Variants in MAP3K7CL observed in about 807,000 individuals in gnomAD.
MAP3K7CL encodes MAP3K7 C-terminal-like protein.
MAP3K7CL carries 16 observed loss-of-function variants against 18.6 expected under a neutral mutation model. That is an observed-to-expected ratio of 0.86 (90% CI 0.58 to 1.31). The LOEUF (loss-of-function observed/expected upper bound fraction) is 1.31. MAP3K7CL is among the 50% of genes most tolerant of loss of function. MAP3K7CL has a pLI of 0.00. For synonymous variants in MAP3K7CL, 65 were observed against 66.8 expected (o/e 0.97, Z 0.13); for missense variants, 163 against 174.4 (o/e 0.93, Z 0.37).
intron 2 of MAP3K7CL, among the ~76,000 whole-genome samples, chr21:29,141,802 G>C (rs995424384): frequency 5.3e-5 from 8 of 151,992 alleles, no homozygotes; most frequent in Non-Finnish European, 1.0e-4. Context: ...CACATCTCTA[G>C]TGTTTAATAA....
At chr21:29,135,344 G>A (rs2409331) in intron 2 of MAP3K7CL, among the ~76,000 whole-genome samples, 27,745 of 152,018 alleles carry the variant, frequency 0.18, 2,778 homozygotes, top group East Asian at 0.39. Context: ...AGACACACGC[G>A]TGCAAACCCA....
upstream of MAP3K7CL, among the ~76,000 whole-genome samples, chr21:29,127,407 T>C (rs1357435760): frequency 1.3e-5 from 2 of 152,242 alleles, no homozygotes; most frequent in African/African-American, 4.8e-5. Context: ...TCTATTAAAT[T>C]CTTAAAATAC....
intron 2 of MAP3K7CL, among the ~76,000 whole-genome samples, chr21:29,141,271 T>G (rs777843145): frequency 6.6e-6 from 1 of 152,104 alleles, no homozygotes; most frequent in Non-Finnish European, 1.5e-5. Flanking sequence ...ATCCCAGCGC[T>G]TTGGGAGGCA....
intron 1 of MAP3K7CL, among the ~76,000 whole-genome samples, chr21:29,132,495 G>A (rs2086797457): frequency 6.6e-6 from 1 of 151,840 alleles, no homozygotes; most frequent in Non-Finnish European, 1.5e-5. Context: ...ATTTTAAAGT[G>A]GTTTTTGGTA....
chr21:29,134,076 C>G (rs906602060), intron 2 of MAP3K7CL, among the ~76,000 whole-genome samples: 2 of 152,348 alleles, frequency 1.3e-5, no homozygotes, highest in Non-Finnish European at 1.5e-5. Context: ...AGGCTTGGCT[C>G]TCTTCCACTG....
At chr21:29,160,129 G>A in intron 4 of MAP3K7CL, 73 bp downstream of exon 4, 1 of 1,174,834 alleles carries the variant, frequency 8.5e-7, no homozygotes, top group South Asian at 1.3e-5. Flanking sequence ...ATGGGCAGGG[G>A]ACAGGCTGAG....
At chr21:29,152,417 C>G (rs142869360) in intron 3 of MAP3K7CL, among the ~76,000 whole-genome samples, 1 of 152,188 alleles carries the variant, frequency 6.6e-6, no homozygotes, top group South Asian at 2.1e-4. Context: ...TAGTCAGTCT[C>G]GTGTGCTTTC....
chr21:29,109,946 T>A (rs189173109), intron 4 of MAP3K7CL, among the ~76,000 whole-genome samples: 38 of 152,068 alleles, frequency 2.5e-4, no homozygotes, highest in African/African-American at 8.9e-4. Context: ...AGATTTCTCC[T>A]GCAAACCCAC....
At chr21:29,102,034 T>C (rs1329470454) in intron 4 of MAP3K7CL, among the ~76,000 whole-genome samples, 2 of 152,180 alleles carry the variant, frequency 1.3e-5, no homozygotes, top group Admixed American at 1.3e-4. Context: ...ACAGTCAGGA[T>C]CTAAAGAAAG....
chr21:29,171,125 T>G (rs1307292634), intron 4 of MAP3K7CL, among the ~76,000 whole-genome samples: 1 of 152,224 alleles, frequency 6.6e-6, no homozygotes, highest in East Asian at 1.9e-4. Context: ...ATTAGCTGTG[T>G]GACTTTTTCC....
At chr21:29,085,797 T>C (rs1601120118), upstream of MAP3K7CL, 1 of 1,533,190 alleles carries the variant, frequency 6.5e-7, no homozygotes, top group African/African-American at 1.4e-5. Flanking sequence ...GAATCATAAC[T>C]CTCTATATCC....
chr21:29,081,517 C>T (rs1407642627), upstream of MAP3K7CL, among the ~76,000 whole-genome samples: 6 of 152,106 alleles, frequency 3.9e-5, no homozygotes, highest in East Asian at 1.9e-4. Flanking sequence ...CGCGCCACTG[C>T]GCTCCAGCCC....
chr21:29,100,083 TAAAA>T (rs397727880), intron 4 of MAP3K7CL, among the ~76,000 whole-genome samples: 2 of 122,854 alleles, frequency 1.6e-5, no homozygotes, highest in Non-Finnish European at 1.7e-5. Flanking sequence ...ACTCCGTCTT[TAAAA>T]AAAAAAAAAA....
intron 4 of MAP3K7CL, among the ~76,000 whole-genome samples, chr21:29,112,390 G>A (rs532620659): frequency 8.5e-5 from 13 of 152,128 alleles, no homozygotes; most frequent in Non-Finnish European, 1.6e-4. Context: ...AATCCTTACA[G>A]CAGCAAATTT....
chr21:29,096,255 C>A (rs2086119858), intron 4 of MAP3K7CL, among the ~76,000 whole-genome samples: 1 of 152,146 alleles, frequency 6.6e-6, no homozygotes. Context: ...TCAAAATATA[C>A]CTTAGGTGCG....
At chr21:29,140,609 C>T (rs139368005) in intron 2 of MAP3K7CL, among the ~76,000 whole-genome samples, 1 of 152,294 alleles carries the variant, frequency 6.6e-6, no homozygotes, top group East Asian at 1.9e-4. Flanking sequence ...AAGCTCAAAG[C>T]TTCTTGACAA....
intron 4 of MAP3K7CL, among the ~76,000 whole-genome samples, chr21:29,125,501 A>C (rs1288168724): frequency 6.6e-6 from 1 of 152,236 alleles, no homozygotes; most frequent in Non-Finnish European, 1.5e-5. Context: ...TTAAGCCTGA[A>C]GTGAACTTTG....
At chr21:29,135,050 C>CAAAAAA (rs147529791) in intron 2 of MAP3K7CL, among the ~76,000 whole-genome samples, 5 of 118,344 alleles carry the variant, frequency 4.2e-5, no homozygotes, top group Non-Finnish European at 5.6e-5. Context: ...GACTCCATCT[C>CAAAAAA]AAAAAAAAAA....
At chr21:29,118,948 C>G (rs778316576) in intron 4 of MAP3K7CL, among the ~76,000 whole-genome samples, 3 of 152,246 alleles carry the variant, frequency 2.0e-5, no homozygotes, top group Admixed American at 1.3e-4. Context: ...ATTCCCCATT[C>G]CAGAGGTAAA....
Sources: allele counts gnomAD v4.1 joint callset (sites outside exome capture counted in the v4.1 genomes callset), GRCh38; gene constraint gnomAD v4.1.1; transcripts MANE v1.5; gene names NCBI Gene and HGNC (gene_info 2026-07-23, HGNC 2026-07-21).